LRRC7: variants seen among roughly 807,000 people sequenced by gnomAD.
LRRC7 encodes leucine rich repeat containing 7, also known as leucine-rich repeat-containing protein 7.
LRRC7 carries 23 observed loss-of-function variants against 175.7 expected under a neutral mutation model. The observed-to-expected ratio is 0.13, with a 90% CI of 0.09 to 0.19. The LOEUF (loss-of-function observed/expected upper bound fraction) is 0.19. Ranked by LOEUF, LRRC7 falls within the 10% of genes least tolerant of loss-of-function variation. LRRC7 has a pLI of 1.00. For synonymous variants in LRRC7, 685 were observed against 680.9 expected (o/e 1.01, Z -0.09); for missense variants, 1,354 against 1,904.7 (o/e 0.71, Z 5.38).
intron 1 of LRRC7, among the ~76,000 whole-genome samples, chr1:69,600,132 A>G (rs749087922): frequency 5.3e-5 from 8 of 152,288 alleles, no homozygotes; most frequent in Non-Finnish European, 1.0e-4. Flanking sequence ...AATTGCAAAG[A>G]TATTACAGGG....
At chr1:69,992,858 G>C (rs567184037) in intron 10 of LRRC7, among the ~76,000 whole-genome samples, 1 of 152,222 alleles carries the variant, frequency 6.6e-6, no homozygotes, top group South Asian at 2.1e-4. Flanking sequence ...TTCAGAGCTG[G>C]AGACTATGAT....
At chr1:70,111,418 G>A (rs1665519230) in intron 26 of LRRC7, among the ~76,000 whole-genome samples, 1 of 152,104 alleles carries the variant, frequency 6.6e-6, no homozygotes, top group African/African-American at 2.4e-5. Context: ...AAGAGCAACT[G>A]ACCCTTCATA....
chr1:69,636,538 A>G (rs945166004), intron 1 of LRRC7, among the ~76,000 whole-genome samples: 1 of 151,830 alleles, frequency 6.6e-6, no homozygotes, highest in African/African-American at 2.4e-5. Context: ...TTTTTTTCTT[A>G]TTATGGCTGT....
At chr1:69,935,651 G>T (rs1038389186) in intron 8 of LRRC7, among the ~76,000 whole-genome samples, 12 of 151,898 alleles carry the variant, frequency 7.9e-5, no homozygotes, top group African/African-American at 2.9e-4. Context: ...ATGTATTTTT[G>T]CTCATTTTTC....
intron 24 of LRRC7, among the ~76,000 whole-genome samples, chr1:70,080,057 A>T (rs1218958187): frequency 6.6e-6 from 1 of 152,176 alleles, no homozygotes; most frequent in African/African-American, 2.4e-5. Context: ...AAAATTCACC[A>T]CATGATCTCA....
intron 2 of LRRC7, among the ~76,000 whole-genome samples, chr1:69,693,917 T>C (rs1384261344): frequency 1.3e-5 from 2 of 152,218 alleles, no homozygotes; most frequent in Non-Finnish European, 2.9e-5. Context: ...GAAGCAAGCA[T>C]ATATTTTTTA....
chr1:69,776,834 T>G (rs1672865076), intron 3 of LRRC7, among the ~76,000 whole-genome samples: 1 of 149,544 alleles, frequency 6.7e-6, no homozygotes, highest in African/African-American at 2.5e-5. Context: ...TCTGTGTGGG[T>G]GTGTGGGTCT....
intron 4 of LRRC7, among the ~76,000 whole-genome samples, chr1:69,815,815 C>T (rs1678518680): frequency 1.3e-5 from 2 of 152,064 alleles, no homozygotes; most frequent in African/African-American, 4.8e-5. Context: ...CTCATGAGGG[C>T]CTGTTCCTCA....
chr1:70,002,359 A>C (rs1020744712), intron 11 of LRRC7, among the ~76,000 whole-genome samples: 3 of 152,224 alleles, frequency 2.0e-5, no homozygotes, highest in Non-Finnish European at 2.9e-5. Context: ...GGTCATTAAT[A>C]GCTATGACAT....
intron 7 of LRRC7, among the ~76,000 whole-genome samples, chr1:69,857,360 A>T (rs183113603): frequency 1.4e-4 from 21 of 152,322 alleles, no homozygotes; most frequent in Non-Finnish European, 2.9e-4. Flanking sequence ...CATATTTAGA[A>T]AACCCCATTG....
At chr1:69,770,310 T>C (rs907874503) in intron 3 of LRRC7, among the ~76,000 whole-genome samples, 1 of 152,232 alleles carries the variant, frequency 6.6e-6, no homozygotes, top group Non-Finnish European at 1.5e-5. Context: ...CATTCACTGA[T>C]ATTTGTAACT....
intron 7 of LRRC7, among the ~76,000 whole-genome samples, chr1:69,916,415 A>G (rs1306903800): frequency 6.6e-6 from 1 of 150,484 alleles, no homozygotes; most frequent in East Asian, 1.9e-4. Context: ...AAAACCTATT[A>G]TTGGAAATGT....
chr1:69,887,633 C>G (rs1461667287), intron 7 of LRRC7, among the ~76,000 whole-genome samples: 1 of 152,214 alleles, frequency 6.6e-6, no homozygotes, highest in South Asian at 2.1e-4. Context: ...AAGTCATTCT[C>G]TGTCCAGCTT....
At chr1:69,872,289 C>T (rs1322156244) in intron 7 of LRRC7, among the ~76,000 whole-genome samples, 1 of 151,912 alleles carries the variant, frequency 6.6e-6, no homozygotes, top group Admixed American at 6.6e-5. Flanking sequence ...TGATTGGTGG[C>T]TTTTCTGGAA....
intron 13 of LRRC7, among the ~76,000 whole-genome samples, chr1:70,013,395 T>C (rs1461649078): frequency 6.6e-6 from 1 of 151,820 alleles, no homozygotes; most frequent in African/African-American, 2.4e-5. Context: ...TGGAAAACTA[T>C]AATAAAAATA....
intron 2 of LRRC7, among the ~76,000 whole-genome samples, chr1:69,729,714 C>A (rs989748694): frequency 6.6e-6 from 1 of 152,116 alleles, no homozygotes; most frequent in Non-Finnish European, 1.5e-5. Context: ...GCACATGGTA[C>A]AAGCTATAAG....
At chr1:69,838,311 T>C in intron 7 of LRRC7, 28 bp downstream of exon 7, 2 of 1,557,984 alleles carry the variant, frequency 1.3e-6, no homozygotes, top group African/African-American at 1.4e-5. Flanking sequence ...TTCTGAATTT[T>C]GAACTGTGAT....
chr1:69,618,801 C>T (rs569895688), intron 1 of LRRC7, among the ~76,000 whole-genome samples: 90 of 152,262 alleles, frequency 5.9e-4, no homozygotes, highest in African/African-American at 2.1e-3. Context: ...TAAACTGGTG[C>T]CTGCTTTCCA....
intron 23 of LRRC7, among the ~76,000 whole-genome samples, chr1:70,070,462 T>A (rs1662297609): frequency 6.6e-6 from 1 of 152,220 alleles, no homozygotes; most frequent in Non-Finnish European, 1.5e-5. Context: ...TGTCTTTTTT[T>A]ATTTGGTTTG....
Sources: gnomAD v4.1 joint callset for allele counts (sites outside exome capture counted in the v4.1 genomes callset) on GRCh38, gnomAD v4.1.1 for gene constraint, MANE v1.5 for transcripts, NCBI Gene and HGNC (gene_info 2026-07-23, HGNC 2026-07-21) for gene names.